The following MIB1 variants were observed in gnomAD, a reference collection of about 807,000 sequenced individuals.
The protein encoded by MIB1 is E3 ubiquitin-protein ligase MIB1.
Under a neutral mutation model 124.5 loss-of-function variants are expected in MIB1, and 278 were observed. The observed-to-expected ratio is 2.23, with a 90% CI of 2.02 to 2.47. The LOEUF (loss-of-function observed/expected upper bound fraction) is 2.47. Ranked by LOEUF, MIB1 falls within the 30% of genes most tolerant of loss-of-function variation. The pLI is 0.00. For synonymous variants in MIB1, 446 were observed against 429.4 expected (o/e 1.04, Z -0.48); for missense variants, 957 against 1,254.4 (o/e 0.76, Z 3.58).
chr18:21,758,958 A>G (rs1459161218), intron 1 of MIB1, among the ~76,000 whole-genome samples: 1 of 152,156 alleles, frequency 6.6e-6, no homozygotes, highest in African/African-American at 2.4e-5. Context: ...AATTTATTAC[A>G]TAACATTTAA....
rs1467641697 is a variant in MIB1, at chr18:21,787,692, C to G, written c.909-3682C>G. ...TTGGCGTTTTTCATGTCTCTGGCCCCAGGGATCATTTCAGCTTCAGACTTG... is the reference window on the plus strand; with the variant it reads ...TTGGCGTTTTTCATGTCTCTGGCCCGAGGGATCATTTCAGCTTCAGACTTG... On this transcript the variant is annotated intron_variant, in intron 6 of 20. Transcript: ENST00000261537. Among the ~76,000 whole-genome samples the G allele has an allele frequency of 4.6e-5, 7 of 151,198 alleles. No homozygotes were observed. The South Asian group carries it at 6.2e-4, about 13-fold the overall frequency.
rs551689896 is a variant in MIB1 at position 21,755,498 on chromosome 18, A to AT, written c.230-10269dup. On this transcript the variant is annotated intron_variant, in intron 1 of 20. Coordinates refer to ENST00000261537, the MANE Select transcript of MIB1 (RefSeq NM_020774.4). ...AGGCGCGTACCACCACGCCCAGCTA[A>AT]TTTTTACATGATTTCACCATGTTGG... 1.1e-3 allele frequency among the ~76,000 whole-genome samples: 173 copies of AT among 152,158 alleles called. 1 individual carries two copies. Among genetic ancestry groups the AT allele is most frequent in the African/African-American group, 4.1e-3 (169 of 41,518 alleles).
At chr18:21,804,962 A>G (rs1358526295) in intron 10 of MIB1, among the ~76,000 whole-genome samples, 1 of 152,136 alleles carries the variant, frequency 6.6e-6, no homozygotes, top group Non-Finnish European at 1.5e-5. Flanking sequence ...TAAACAGGTC[A>G]TCTATAATGT....
At chr18:21,812,610 TAC>T (rs2041786807) in intron 10 of MIB1, 1 of 152,192 alleles carries the variant, frequency 6.6e-6, no homozygotes, top group African/African-American at 2.4e-5. Context: ...GACTGTGACT[TAC>T]AGATACTGAT....
chr18:21,766,168 T>C (rs1309431166), intron 2 of MIB1, among the ~76,000 whole-genome samples: 1 of 152,190 alleles, frequency 6.6e-6, no homozygotes, highest in Non-Finnish European at 1.5e-5. Flanking sequence ...TGGGCTATTC[T>C]TTCTCTGGCT....
Position 21,799,847 on chromosome 18 carries a change from T to A in MIB1, c.1244T>A (p.Leu415His). 1 of 1,609,566 alleles carries A rather than the reference T, an allele frequency of 6.2e-7. No homozygotes were observed. The highest frequency in any genetic ancestry group is 8.5e-7 in the Non-Finnish European group (1 of 1,177,130). Residue 415 changes from leucine (L) to histidine (H), a missense_variant, in exon 9 of 21, where the codon CTC (leucine) becomes CAC (histidine). Physicochemically the swap from Leu to His is moderately conservative, Grantham distance 99. Coordinates refer to ENST00000261537, the MANE Select transcript of MIB1 (RefSeq NM_020774.4). Reference protein sequence around the residue: ...SAISNASGERLSQLLKKLFET... With the variant: ...SAISNASGERHSQLLKKLFET... ...TTTATTTGATGCTTTACAGAAAGAC[T>A]CTCACAACTCCTGAAGAAATTATTT...
chr18:21,780,449 C>T (rs1466124345), intron 6 of MIB1, among the ~76,000 whole-genome samples: 1 of 152,172 alleles, frequency 6.6e-6, no homozygotes, highest in Admixed American at 6.5e-5. Context: ...ATGAGATCCA[C>T]ATTTTACATC....
intron 12 of MIB1, chr18:21,825,749 A>G (rs780334522): frequency 3.8e-6 from 2 of 529,244 alleles, no homozygotes; most frequent in South Asian, 1.4e-5. Context: ...TGAAGAGGCG[A>G]TTTGGTTCCA....
chr18:21,834,824 G>GA (rs2042012149), intron 12 of MIB1, among the ~76,000 whole-genome samples: 1 of 152,174 alleles, frequency 6.6e-6, no homozygotes, highest in Admixed American at 6.5e-5. Context: ...AAAGAACATT[G>GA]AATAAAACTA....
At chr18:21,850,633 G>A (rs1598642130) in intron 17 of MIB1, among the ~76,000 whole-genome samples, 1 of 152,198 alleles carries the variant, frequency 6.6e-6, no homozygotes, top group Admixed American at 6.5e-5. Flanking sequence ...TGGAGTGCTT[G>A]TATGTATGTA....
intron 18 of MIB1, among the ~76,000 whole-genome samples, chr18:21,856,339 C>T (rs2042228464): frequency 6.6e-6 from 1 of 150,496 alleles, no homozygotes; most frequent in Admixed American, 6.6e-5. Flanking sequence ...GGAATGCATT[C>T]TTCTGAAATA....
intron 9 of MIB1, among the ~76,000 whole-genome samples, chr18:21,801,103 T>C (rs1460615896): frequency 6.6e-6 from 1 of 152,160 alleles, no homozygotes; most frequent in Non-Finnish European, 1.5e-5. Flanking sequence ...TCACCCCTAT[T>C]TTCCTGTTCT....
At chr18:21,791,227 A>G (rs1217031699) in intron 6 of MIB1, 147 bp from the exon 7 acceptor site, 7 of 559,670 alleles carry the variant, frequency 1.3e-5, no homozygotes, top group South Asian at 3.1e-5. Flanking sequence ...ATCAATATAT[A>G]TGTATTTGTG....
upstream of MIB1, among the ~76,000 whole-genome samples, chr18:21,739,649 G>T (rs564994311): frequency 6.6e-6 from 1 of 152,098 alleles, no homozygotes; most frequent in African/African-American, 2.4e-5. Flanking sequence ...GGCTGAGGTG[G>T]GAGGATTGCT....
At position 21,865,530 on chromosome 18, in the gene MIB1, T is replaced by C. The variant is rs2042314307; in HGVS notation, c.*864T>C. On this transcript the variant is annotated 3_prime_UTR_variant, in exon 21 of 21. Coordinates refer to ENST00000261537, the MANE Select transcript of MIB1 (RefSeq NM_020774.4). ...ACTTCCGGTTTTCTGTGATTACTTATCTGGGCTTGATCTGACCAGTGAAAT... is the reference window on the plus strand; with the variant it reads ...ACTTCCGGTTTTCTGTGATTACTTACCTGGGCTTGATCTGACCAGTGAAAT... 6.6e-6 allele frequency: 1 copy of C among 152,638 alleles called. No homozygotes were observed. The highest frequency in any genetic ancestry group is 1.5e-5 in the Non-Finnish European group (1 of 68,040). 9.5% of individuals were successfully genotyped at this position (152,638 alleles called of 1,614,324 possible). A position where few individuals can be genotyped will look rare whatever the true frequency, so the allele number is the denominator to read the frequency against.
intron 11 of MIB1, chr18:21,817,640 T>G (rs2041841997): frequency 4.7e-6 from 2 of 422,034 alleles, no homozygotes; most frequent in Non-Finnish European, 9.4e-6. Flanking sequence ...TGTAATATCC[T>G]GGGATATCAT....
chr18:21,743,035 G>GC (rs2040872418), intron 1 of MIB1, among the ~76,000 whole-genome samples: 1 of 152,160 alleles, frequency 6.6e-6, no homozygotes, highest in African/African-American at 2.4e-5. Flanking sequence ...TCCTGTCTCA[G>GC]CCTCCCAAAA....
intron 12 of MIB1, among the ~76,000 whole-genome samples, chr18:21,820,100 T>C (rs566959746): frequency 6.6e-6 from 1 of 152,224 alleles, no homozygotes; most frequent in Non-Finnish European, 1.5e-5. Flanking sequence ...CCCTCATCCA[T>C]TGTTACAGCA....
chr18:21,847,231 TC>T, intron 16 of MIB1, 106 bp downstream of exon 16: 1 of 1,002,002 alleles, frequency 1.0e-6, no homozygotes, highest in Non-Finnish European at 1.4e-6. Flanking sequence ...TCTTTGCTCT[TC>T]CTGTATATTT....
Sources: gnomAD v4.1 joint callset for allele counts (sites outside exome capture counted in the v4.1 genomes callset) on GRCh38, gnomAD v4.1.1 for gene constraint, MANE v1.5 for transcripts, NCBI Gene and HGNC (gene_info 2026-07-23, HGNC 2026-07-21) for gene names.